The following PMS2 variants were observed in gnomAD, a reference collection of about 807,000 sequenced individuals.
PMS2 encodes the protein mismatch repair endonuclease PMS2.
A neutral mutation model predicts 90.0 loss-of-function variants in PMS2; 69 were observed. The observed-to-expected ratio is 0.77, with a 90% CI of 0.63 to 0.94. The LOEUF (loss-of-function observed/expected upper bound fraction) is 0.94, where lower values mean the gene tolerates loss of function less well. PMS2 is among the 40% of genes least tolerant of loss of function. The pLI is 0.00. For synonymous variants in PMS2, 332 were observed against 375.1 expected, an observed-to-expected ratio of 0.89 and a Z score of 1.33; for missense variants, 966 against 1,040.2, an observed-to-expected ratio of 0.93 and a Z score of 0.98.
At chr7:5,993,890 A>C (rs1784065945) in intron 8 of PMS2, among the ~76,000 whole-genome samples, 2 of 147,736 alleles carry the variant, frequency 1.4e-5, no homozygotes, top group South Asian at 4.3e-4. Context: ...AAAAAAAAGG[A>C]AATATAGAAA....
intron 5 of PMS2, among the ~76,000 whole-genome samples, chr7:6,000,425 T>C (rs1453926694): frequency 6.6e-6 from 1 of 151,732 alleles, no homozygotes; most frequent in Non-Finnish European, 1.5e-5. Context: ...CATACAATTC[T>C]GTATTACTTG....
intron 9 of PMS2, among the ~76,000 whole-genome samples, chr7:5,990,299 C>T (rs890903478): frequency 2.0e-5 from 3 of 152,196 alleles, no homozygotes; most frequent in Admixed American, 6.5e-5. Flanking sequence ...TGAGCCACCG[C>T]GCCCAGCCAA....
At position 6,002,306 on chromosome 7, in the gene PMS2, A is replaced by G. The variant is rs1311280508; in HGVS notation, c.537+147T>C. ...AAATCATCCTAAAGTTAAGTCTTTA[A>G]TGTTAAATCTTTAATGAGAAATGCA... On this transcript the variant is annotated intron_variant, in intron 5 of 14. Coordinates refer to ENST00000265849, the MANE Select transcript of PMS2 (RefSeq NM_000535.7). 9.0e-6 allele frequency: 6 copies of G among 666,754 alleles called. No individual in the cohort carries two copies. The Admixed American group carries it at 1.0e-4, about 11-fold the overall frequency. The allele number at this position is 666,754 out of a possible 1,614,324, so 41.3% of individuals were successfully genotyped here. A position where few individuals can be genotyped will look rare whatever the true frequency, so the allele number is the denominator to read the frequency against.
At chr7:6,008,896 G>A in intron 1 of PMS2, 101 bp downstream of exon 1, 3 of 1,427,186 alleles carry the variant, frequency 2.1e-6, no homozygotes, top group Middle Eastern at 2.3e-4. Flanking sequence ...CTCGCCACGC[G>A]CCTCGGCCAT....
At chr7:5,987,997 G>A (rs1157006203) in intron 10 of PMS2, among the ~76,000 whole-genome samples, 2 of 138,170 alleles carry the variant, frequency 1.4e-5, no homozygotes, top group South Asian at 2.5e-4. Context: ...AGGTTGCAGT[G>A]AGCCAAGATG....
Position 5,999,160 on chromosome 7 carries a change from C to G in PMS2, c.653G>C (p.Gly218Ala), listed in dbSNP as rs368043334. 6.2e-7 allele frequency: 1 copy of G among 1,614,146 alleles called. No homozygotes were observed. Among genetic ancestry groups the G allele is most frequent in the Non-Finnish European group, 8.5e-7 (1 of 1,180,038 alleles). The change falls in exon 6 of 15, where the codon GGT (glycine) becomes GCT (alanine). Residue 218 changes from glycine (G) to alanine (A), a missense_variant. Coordinates refer to ENST00000265849, the MANE Select transcript of PMS2 (RefSeq NM_000535.7). ...ATTTTCCTTTATGCTGGGGCTTCCACCTGTGCATACCACAGGCTGTCGTTT... is the reference window on the plus strand; with the variant it reads ...ATTTTCCTTTATGCTGGGGCTTCCAGCTGTGCATACCACAGGCTGTCGTTT... ...QGKRQPVVCT[G>A]GSPSIKENIG...
intron 9 of PMS2, among the ~76,000 whole-genome samples, chr7:5,991,761 C>T (rs1407905705): frequency 6.6e-6 from 1 of 152,030 alleles, no homozygotes; most frequent in Non-Finnish European, 1.5e-5. Context: ...ATCGCTTGAA[C>T]CCGGGAGGCA....
At chr7:5,978,219 T>C (rs116623447) in intron 13 of PMS2, among the ~76,000 whole-genome samples, 2,630 of 150,120 alleles carry the variant, frequency 0.018, 35 homozygotes, top group African/African-American at 0.046. Flanking sequence ...AACTGGTCTA[T>C]ATGACCTGAA....
chr7:5,988,069 A>C (rs1401367870), intron 10 of PMS2, among the ~76,000 whole-genome samples: 3 of 150,852 alleles, frequency 2.0e-5, no homozygotes, highest in East Asian at 1.9e-4. Flanking sequence ...AAAAAAAAAA[A>C]AAAAAAAAAC....
chr7:5,987,062 G>T lies in PMS2; in HGVS notation c.1703C>A (p.Pro568Gln), dbSNP rs869312801. 3.1e-6 allele frequency: 5 copies of T among 1,614,018 alleles called. No homozygotes were observed. The African/African-American group carries it at 6.7e-5, about 22-fold the overall frequency. Residue 568 changes from proline to glutamine, a missense_variant, in exon 11 of 15, where the codon CCA becomes CAA. Physicochemically the swap from Pro to Gln is moderately conservative, Grantham distance 76. Coordinates refer to ENST00000265849, the MANE Select transcript of PMS2 (RefSeq NM_000535.7). ...TGCKFRVLPQ[P>Q]TNLATPNTKR... ...TGTGTTTGGGGTTGCGAGATTAGTT[G>T]GCTGAGGCAAAACTCGAAATTTACA...
chr7:5,985,087 C>T (rs2128713531), intron 11 of PMS2, among the ~76,000 whole-genome samples: 1 of 151,486 alleles, frequency 6.6e-6, no homozygotes, highest in African/African-American at 2.4e-5. Context: ...AAAACCACAC[C>T]AGTGATTTTA....
chr7:5,990,981 C>A (rs1783672799), intron 9 of PMS2, among the ~76,000 whole-genome samples: 1 of 152,040 alleles, frequency 6.6e-6, no homozygotes, highest in Non-Finnish European at 1.5e-5. Context: ...CACCACTGCA[C>A]TCCAGCTTGG....
rs1785382109 is a variant in PMS2 at position 6,003,772 on chromosome 7, T to C, written c.271A>G (p.Lys91Glu). ...EGLTLKHHTS[K>E]IQEFADLTQV... is the part of the protein sequence containing the mutation. ...GTTAGGTCGGCAAACTCTTGAATCT[T>C]AGATGTGTGATGTTTCAGAGCTGAA... Residue 91 changes from lysine (K) to glutamate (E), a missense_variant, in exon 4 of 15, where the codon AAG (lysine) becomes GAG (glutamate). Physicochemically the swap from Lys to Glu is moderately conservative, Grantham distance 56. Coordinates refer to ENST00000265849, the MANE Select transcript of PMS2 (RefSeq NM_000535.7). The C allele has an allele frequency of 6.2e-7, 1 of 1,605,380 alleles. No homozygotes were observed.
At chr7:6,009,072 C>G, upstream of PMS2, 3 of 1,600,410 alleles carry the variant, frequency 1.9e-6, no homozygotes, top group Non-Finnish European at 2.6e-6. Flanking sequence ...TCCAGGGCTC[C>G]CACAGGCGCT....
In PMS2 at chr7:5,989,946, T is replaced by A. The variant is rs1187390273; in HGVS notation, c.998A>T (p.Asp333Val). ...CCTTTTATCTGGAGTAACATTGATA[T>A]CAACGCATTCTAAGGCAAAAAAGAA... ...LNISVDSECV[D>V]INVTPDKRQI... is the part of the protein sequence containing the mutation. Residue 333 changes from aspartate to valine, a missense_variant, in exon 10 of 15, where the codon GAT becomes GTT. Physicochemically the swap from Asp to Val is radical, Grantham distance 152. Transcript: ENST00000265849. 1 of 1,600,172 alleles carries A rather than the reference T, an allele frequency of 6.2e-7. No homozygotes were observed.
At chr7:5,984,539 C>T (rs1312163073) in intron 11 of PMS2, among the ~76,000 whole-genome samples, 1 of 151,720 alleles carries the variant, frequency 6.6e-6, no homozygotes, top group East Asian at 1.9e-4. Flanking sequence ...AATCCCAGCA[C>T]TTTGGGAAGA....
rs1782434028 is a variant in PMS2 at position 5,982,829 on chromosome 7, G to A, written c.2169C>T (p.Leu723=). The A allele has an allele frequency of 6.2e-7, 1 of 1,609,196 alleles. No homozygotes were observed. The highest frequency in any genetic ancestry group is 1.1e-5 in the South Asian group (1 of 90,646). Residue 723 remains leucine, a synonymous_variant, in exon 12 of 15, where the codon CTC becomes CTT. Transcript: ENST00000265849. ...QQHTVLQGQR[L]IAPQTLNLTA... ...TGAACACTAAACACACTCACGCTATGAGCCTCTGCCCCTGGAGCACGGTGT... is the reference window on the plus strand; with the variant it reads ...TGAACACTAAACACACTCACGCTATAAGCCTCTGCCCCTGGAGCACGGTGT...
intron 4 of PMS2, 111 bp from the exon 5 acceptor site, chr7:6,002,747 G>A (rs1245179534): frequency 7.0e-6 from 6 of 854,290 alleles, no homozygotes; most frequent in African/African-American, 3.3e-5. Context: ...AAAAGCTGAC[G>A]ATCCCTCTGA....
Position 6,005,743 on chromosome 7 carries a change from T to C in PMS2, c.163+149A>G, listed in dbSNP as rs138599807. ...TTATTATTACTACCTAGCTAAGTAC[T>C]AGGCACATAATAGGTGCTAACTTCA... On this transcript the variant is annotated intron_variant, in intron 2 of 14. Coordinates refer to ENST00000265849, the MANE Select transcript of PMS2 (RefSeq NM_000535.7). 213 of 1,152,342 alleles carry C rather than the reference T, an allele frequency of 1.8e-4. 1 individual carries two copies. The African/African-American group carries it at 2.9e-3, about 16-fold the overall frequency. 71.4% of individuals were successfully genotyped at this position (1,152,342 alleles called of 1,614,324 possible). A position where few individuals can be genotyped will look rare whatever the true frequency, so the allele number is the denominator to read the frequency against.
Sources: allele counts gnomAD v4.1 joint callset (sites outside exome capture counted in the v4.1 genomes callset), GRCh38; gene constraint gnomAD v4.1.1; transcripts MANE v1.5; gene names NCBI Gene and HGNC (gene_info 2026-07-23, HGNC 2026-07-21).